The following GMDS variants were observed in gnomAD, a reference collection of about 807,000 sequenced individuals.
GMDS encodes the protein GDP-mannose 4,6-dehydratase.
GMDS carries 20 observed loss-of-function variants against 49.9 expected under a neutral mutation model. The observed-to-expected ratio is 0.40, with a 90% CI of 0.28 to 0.58. The LOEUF is 0.58. GMDS is among the 20% of genes least tolerant of loss of function. GMDS has a pLI of 0.42. For missense variants in GMDS, 362 were observed against 481.4 expected (o/e 0.75, Z 2.32); for synonymous variants, 177 against 178.6 (o/e 0.99, Z 0.07).
chr6:1,948,150 G>A (rs1292578188), intron 6 of GMDS, among the ~76,000 whole-genome samples: 1 of 152,118 alleles, frequency 6.6e-6, no homozygotes, highest in South Asian at 2.1e-4. Context: ...TTGAGAAACT[G>A]GCCAGAGTTG....
chr6:2,173,624 T>G (rs958852394), intron 1 of GMDS, among the ~76,000 whole-genome samples: 2 of 152,216 alleles, frequency 1.3e-5, no homozygotes, highest in African/African-American at 4.8e-5. Context: ...GGAAGTTCTA[T>G]TCTACATCAA....
At chr6:1,634,089 C>T (rs1763073970) in intron 9 of GMDS, among the ~76,000 whole-genome samples, 1 of 152,270 alleles carries the variant, frequency 6.6e-6, no homozygotes, top group Non-Finnish European at 1.5e-5. Context: ...CATAATCCCT[C>T]TTCCCCTGGA....
intron 4 of GMDS, among the ~76,000 whole-genome samples, chr6:2,002,300 G>A (rs1302770149): frequency 6.6e-6 from 1 of 152,180 alleles, no homozygotes; most frequent in Non-Finnish European, 1.5e-5. Context: ...CCTATTGGAA[G>A]GAAATAATCA....
At chr6:2,028,573 G>T (rs1034305590) in intron 4 of GMDS, among the ~76,000 whole-genome samples, 2 of 152,188 alleles carry the variant, frequency 1.3e-5, no homozygotes, top group African/African-American at 2.4e-5. Flanking sequence ...GTTTACAAAG[G>T]CTTGATCTTC....
chr6:2,171,012 A>C (rs1777979760), intron 1 of GMDS, among the ~76,000 whole-genome samples: 1 of 152,018 alleles, frequency 6.6e-6, no homozygotes, highest in African/African-American at 2.4e-5. Context: ...AAAAAAAAAT[A>C]CTCTAAAAAC....
chr6:1,792,419 C>T (rs1237043414), intron 7 of GMDS, among the ~76,000 whole-genome samples: 1 of 152,150 alleles, frequency 6.6e-6, no homozygotes, highest in Non-Finnish European at 1.5e-5. Context: ...AGTGTTCAAT[C>T]CAGTTTGTTT....
chr6:2,051,738 T>G (rs1053553266), intron 4 of GMDS, among the ~76,000 whole-genome samples: 3 of 152,212 alleles, frequency 2.0e-5, no homozygotes, highest in African/African-American at 7.2e-5. Context: ...AAGCATATAT[T>G]AAACCACATG....
intron 4 of GMDS, among the ~76,000 whole-genome samples, chr6:2,019,224 A>T (rs1328810705): frequency 6.6e-6 from 1 of 151,470 alleles, no homozygotes; most frequent in Non-Finnish European, 1.5e-5. Context: ...ATCTATATAC[A>T]ATATAAGATG....
chr6:1,749,663 T>C (rs1258480536), intron 7 of GMDS, among the ~76,000 whole-genome samples: 1 of 152,126 alleles, frequency 6.6e-6, no homozygotes, highest in Non-Finnish European at 1.5e-5. Flanking sequence ...CACTGTGTAG[T>C]GTACAAGTGG....
chr6:1,776,012 C>T (rs1170679833), intron 7 of GMDS, among the ~76,000 whole-genome samples: 2 of 152,060 alleles, frequency 1.3e-5, no homozygotes, highest in African/African-American at 4.8e-5. Context: ...TGTCCTGTCC[C>T]CTCCTGTGCT....
At chr6:2,064,725 G>C (rs1241620260) in intron 4 of GMDS, among the ~76,000 whole-genome samples, 1 of 152,192 alleles carries the variant, frequency 6.6e-6, no homozygotes, top group African/African-American at 2.4e-5. Flanking sequence ...AGTTAATGAA[G>C]CTGGCATGGG....
At chr6:1,633,231 A>G (rs536858482) in intron 9 of GMDS, among the ~76,000 whole-genome samples, 2 of 152,346 alleles carry the variant, frequency 1.3e-5, no homozygotes, top group South Asian at 4.1e-4. Context: ...TGATACTTAC[A>G]TGCAACTTTT....
intron 9 of GMDS, among the ~76,000 whole-genome samples, chr6:1,657,719 A>G (rs992655629): frequency 1.3e-5 from 2 of 152,160 alleles, no homozygotes; most frequent in African/African-American, 4.8e-5. Flanking sequence ...CAGAAATGAC[A>G]GTCGGGGGCA....
At chr6:2,106,586 G>A (rs1294602803) in intron 4 of GMDS, among the ~76,000 whole-genome samples, 4 of 152,008 alleles carry the variant, frequency 2.6e-5, no homozygotes, top group Non-Finnish European at 5.9e-5. Context: ...ATCCTGGCTG[G>A]GCAAGGTGGC....
chr6:2,064,348 A>G (rs977422196), intron 4 of GMDS, among the ~76,000 whole-genome samples: 1 of 152,196 alleles, frequency 6.6e-6, no homozygotes, highest in African/African-American at 2.4e-5. Flanking sequence ...AATAAGAAAT[A>G]AGGCCAATAG....
At chr6:1,744,110 T>C (rs1217481681) in intron 7 of GMDS, among the ~76,000 whole-genome samples, 2 of 152,212 alleles carry the variant, frequency 1.3e-5, no homozygotes, top group Non-Finnish European at 2.9e-5. Context: ...TTTTATTCAT[T>C]GGAATTTGTA....
intron 8 of GMDS, among the ~76,000 whole-genome samples, chr6:1,728,434 G>T (rs3800029): frequency 2.6e-5 from 4 of 152,092 alleles, no homozygotes; most frequent in Non-Finnish European, 5.9e-5. Context: ...CAAGTCAAAG[G>T]GTTAACAGAA....
In GMDS at chr6:1,778,221, T is replaced by C. The variant is rs1159948979; in HGVS notation, c.772-35635A>G. ...GGTCTCATTTTGCTGGGATGACTAT[T>C]TATATGACAGGTAAGGGAATAACTT... On this transcript the variant is annotated intron_variant, in intron 7 of 10. Coordinates refer to ENST00000380815, the MANE Select transcript of GMDS (RefSeq NM_001500.4). This position sits in a 1 kb window ranked among gnomAD's most constrained non-coding sequence, Gnocchi z 4.6. Among the ~76,000 whole-genome samples, 1 of 152,068 alleles carries C rather than the reference T, an allele frequency of 6.6e-6. No individual in the cohort carries two copies. Among genetic ancestry groups the C allele is most frequent in the South Asian group, 2.1e-4 (1 of 4,822 alleles).
chr6:2,056,447 C>T (rs1319241184), intron 4 of GMDS, among the ~76,000 whole-genome samples: 2 of 152,142 alleles, frequency 1.3e-5, no homozygotes, highest in South Asian at 4.1e-4. Context: ...CCATAAGCCT[C>T]AAATCTGCAC....
Sources: gnomAD v4.1 joint callset for allele counts (sites outside exome capture counted in the v4.1 genomes callset) on GRCh38, gnomAD v4.1.1 for gene constraint, Gnocchi (gnomAD v3.1) non-coding constraint, MANE v1.5 for transcripts, NCBI Gene and HGNC (gene_info 2026-07-23, HGNC 2026-07-21) for gene names.